The following TRMT2B variants were observed in gnomAD, a reference collection of about 807,000 sequenced individuals.
TRMT2B encodes tRNA (uracil-5-)-methyltransferase homolog B.
In TRMT2B, 34 loss-of-function variants were observed where a neutral mutation model predicts 39.7. The observed-to-expected ratio is 0.86, with a 90% CI of 0.65 to 1.14. The LOEUF (loss-of-function observed/expected upper bound fraction) is 1.14. Among genes scored for constraint, TRMT2B ranks in the 50% most tolerant of loss-of-function variants. The probability of loss-of-function intolerance (pLI) is 0.00; values close to 1 mark genes in which losing one functional copy is unlikely to be tolerated. For synonymous variants in TRMT2B, 132 were observed against 137.3 expected (o/e 0.96, Z 0.27); for missense variants, 318 against 377.2 (o/e 0.84, Z 1.30).
the TRMT2B span, chrX:100,973,731 A>G: frequency 5.8e-6 from 7 of 1,211,171 alleles, no homozygotes; most frequent in Non-Finnish European, 5.6e-6. Context: ...GCCTAAGGAC[A>G]ACAGAAGAGA....
At chrX:101,048,113 TACACACACACAC>T (rs56212711) in intron 2 of TRMT2B, among the ~76,000 whole-genome samples, 13 of 90,410 alleles carry the variant, frequency 1.4e-4, no homozygotes, top group East Asian at 7.3e-4. Context: ...TTTATACACA[TACACACACACAC>T]ACACACACAC....
chrX:101,022,750 T>C (rs1423572067), intron 8 of TRMT2B, among the ~76,000 whole-genome samples: 5 of 111,468 alleles, frequency 4.5e-5, no homozygotes, highest in African/African-American at 1.6e-4. Context: ...TGAGCTTTGA[T>C]TGCACCACTG....
the TRMT2B span, among the ~76,000 whole-genome samples, chrX:100,986,106 G>A: frequency 9.0e-6 from 1 of 111,291 alleles, no homozygotes; most frequent in Non-Finnish European, 1.9e-5. Context: ...CACTGCCATG[G>A]GGGACAAGTT....
the TRMT2B span, among the ~76,000 whole-genome samples, chrX:100,977,756 A>C: frequency 8.9e-6 from 1 of 112,197 alleles, no homozygotes; most frequent in East Asian, 2.8e-4. Flanking sequence ...AGAACATACG[A>C]AATTTATCTT....
At chrX:100,993,165 C>A in the TRMT2B span, among the ~76,000 whole-genome samples, 1 of 111,956 alleles carries the variant, frequency 8.9e-6, no homozygotes, top group Non-Finnish European at 1.9e-5. Context: ...AAATGAGGAA[C>A]TTGAGGTGCA....
At position 101,042,093 on chromosome X, in the gene TRMT2B, C is replaced by CT. The variant is rs1569486970; in HGVS notation, c.196dup (p.Ser66LysfsTer21). The CT allele has an allele frequency of 1.7e-6, 2 of 1,211,952 alleles. No individual in the cohort carries two copies. The highest frequency in any genetic ancestry group is 3.0e-5 in the East Asian group (1 of 33,852). On this transcript the variant is annotated frameshift_variant, in exon 3 of 14. Transcript: ENST00000372936. LOFTEE classifies it high-confidence loss of function. ...TCCAAGATGGCTTGGTTTCTTCTGA[C>CT]TTTTTTGTCCTTTCTGACATTTCGT... is the stretch of plus-strand genomic sequence containing the variant.
At chrX:101,011,350 T>A (rs932082683) in intron 13 of TRMT2B, among the ~76,000 whole-genome samples, 6 of 111,833 alleles carry the variant, frequency 5.4e-5, no homozygotes, top group Non-Finnish European at 9.4e-5. Flanking sequence ...TATTTATATA[T>A]CTAAACATTA....
chrX:101,000,422 T>G, the TRMT2B span, among the ~76,000 whole-genome samples: 1 of 111,173 alleles, frequency 9.0e-6, no homozygotes. Context: ...GCACCCGGCC[T>G]GAGAGCTAAT....
chrX:101,041,561 C>T (rs2088239763), intron 3 of TRMT2B, among the ~76,000 whole-genome samples, 190 bp from the exon 4 acceptor site: 1 of 111,751 alleles, frequency 8.9e-6, no homozygotes, highest in Non-Finnish European at 1.9e-5. Context: ...TAAGAAAAAT[C>T]CAGATTTATC....
In TRMT2B at chrX:101,021,182, C is replaced by T. The variant is rs1453979295; in HGVS notation, c.985G>A (p.Ala329Thr). 8.3e-7 allele frequency: 1 copy of T among 1,211,225 alleles called. No individual in the cohort carries two copies. The highest frequency in any genetic ancestry group is 2.2e-5 in the Admixed American group (1 of 45,959). Residue 329 changes from alanine to threonine, a missense_variant, in exon 10 of 14, where the codon GCA (alanine) becomes ACA (threonine). By Grantham distance (58) the Ala-to-Thr change is moderately conservative. Coordinates refer to ENST00000372936, the MANE Select transcript of TRMT2B (RefSeq NM_024917.6). ...CCCACAGTCCGATACAGCATCTCTG[C>T]ACCAGCTGTGTTAATCTGGAAAAAG... Reference protein sequence around the residue: ...DAFFQINTAGAEMLYRTVGEL... With the variant: ...DAFFQINTAGTEMLYRTVGEL...
At chrX:100,974,052 A>C in the TRMT2B span, 1 of 820,504 alleles carries the variant, frequency 1.2e-6, no homozygotes, top group Non-Finnish European at 1.8e-6. Flanking sequence ...ACAATAAGGA[A>C]GAGTATAACT....
At chrX:100,975,736 G>A in the TRMT2B span, among the ~76,000 whole-genome samples, 1 of 108,443 alleles carries the variant, frequency 9.2e-6, no homozygotes, top group Non-Finnish European at 1.9e-5. Context: ...AGGTTCAAGC[G>A]ATTCACATGC....
chrX:100,987,454 G>T, the TRMT2B span: 1 of 1,211,041 alleles, frequency 8.3e-7, no homozygotes, highest in Middle Eastern at 2.3e-4. Flanking sequence ...GAAGGACTGC[G>T]CTGGCTATTA....
chrX:101,011,683 C>G (rs985261078), intron 13 of TRMT2B, among the ~76,000 whole-genome samples: 2 of 111,367 alleles, frequency 1.8e-5, no homozygotes, highest in African/African-American at 3.3e-5. Flanking sequence ...TGCTTGAGCT[C>G]AGAAGTTCGA....
intron 4 of TRMT2B, among the ~76,000 whole-genome samples, chrX:101,039,990 G>A (rs181204358): frequency 3.6e-5 from 4 of 110,973 alleles, no homozygotes; most frequent in African/African-American, 1.3e-4. Flanking sequence ...ATGGAAGTGG[G>A]TATCAGAAGA....
chrX:101,047,015 T>C (rs937503953), intron 2 of TRMT2B, among the ~76,000 whole-genome samples: 3 of 111,199 alleles, frequency 2.7e-5, no homozygotes, highest in African/African-American at 9.8e-5. Flanking sequence ...GAGGACTACT[T>C]GAGCCCAGGA....
chrX:100,980,063 CTGAG>C, the TRMT2B span, among the ~76,000 whole-genome samples: 7 of 110,905 alleles, frequency 6.3e-5, no homozygotes, highest in Non-Finnish European at 1.3e-4. Context: ...CAACACAGTA[CTGAG>C]TCTCACCTAA....
chrX:101,037,785 A>G, intron 5 of TRMT2B, 132 bp downstream of exon 5: 3 of 677,277 alleles, frequency 4.4e-6, no homozygotes, highest in Non-Finnish European at 4.4e-6. Flanking sequence ...TATAAACAGT[A>G]AAATGTGACA....
chrX:100,976,645 T>C, the TRMT2B span, among the ~76,000 whole-genome samples: 2 of 112,533 alleles, frequency 1.8e-5, no homozygotes, highest in African/African-American at 6.5e-5. Context: ...GGAGTTTCAC[T>C]CTTGTTGCCC....
Sources: gnomAD v4.1 joint callset for allele counts (sites outside exome capture counted in the v4.1 genomes callset) on GRCh38, gnomAD v4.1.1 for gene constraint, MANE v1.5 for transcripts, NCBI Gene and HGNC (gene_info 2026-07-23, HGNC 2026-07-21) for gene names.